Variants in CSMD1 observed in about 807,000 individuals in gnomAD.
CSMD1 encodes the protein CUB and sushi domain-containing protein 1.
A neutral mutation model predicts 417.5 loss-of-function variants in CSMD1; 213 were observed. The ratio of observed to expected loss-of-function variants is 0.51; its 90% CI spans 0.46 to 0.57. CSMD1 has a LOEUF of 0.57. Among genes scored for constraint, CSMD1 ranks in the 20% least tolerant of loss-of-function variants. CSMD1 has a pLI of 0.00. For synonymous variants in CSMD1, 2,862 were observed against 1,736.8 expected (o/e 1.65, Z -16.11); for missense variants, 6,923 against 4,529.7 (o/e 1.53, Z -15.17).
chr8:4,965,579 T>C (rs1809807048), intron 1 of CSMD1, among the ~76,000 whole-genome samples: 1 of 152,344 alleles, frequency 6.6e-6, no homozygotes, highest in Admixed American at 6.5e-5. Flanking sequence ...TGTTTACTTC[T>C]TTATAAATGA....
chr8:3,394,767 A>C (rs1018912819), intron 17 of CSMD1, among the ~76,000 whole-genome samples: 2 of 152,186 alleles, frequency 1.3e-5, no homozygotes, highest in Non-Finnish European at 2.9e-5. Flanking sequence ...AAAGAAACAA[A>C]ATGTAAAATT....
chr8:4,792,292 G>C (rs1012078212), intron 1 of CSMD1, among the ~76,000 whole-genome samples: 2 of 152,118 alleles, frequency 1.3e-5, no homozygotes, highest in African/African-American at 2.4e-5. Flanking sequence ...CCCTATAAAG[G>C]TGCATGGTCC....
At chr8:4,095,194 C>G (rs866834084) in intron 3 of CSMD1, among the ~76,000 whole-genome samples, 1 of 152,186 alleles carries the variant, frequency 6.6e-6, no homozygotes, top group African/African-American at 2.4e-5. Flanking sequence ...CGAACACAAA[C>G]TGGTTTGGTT....
intron 5 of CSMD1, among the ~76,000 whole-genome samples, chr8:3,818,568 C>G (rs560460306): frequency 2.0e-5 from 3 of 151,966 alleles, no homozygotes; most frequent in African/African-American, 7.3e-5. Flanking sequence ...AGCATGAAGA[C>G]GTGAAGGAGG....
At chr8:4,779,288 T>C (rs911848766) in intron 1 of CSMD1, among the ~76,000 whole-genome samples, 2 of 152,168 alleles carry the variant, frequency 1.3e-5, no homozygotes, top group African/African-American at 4.8e-5. Flanking sequence ...ATAGGGGTTT[T>C]ACCAAAATTT....
At chr8:3,304,258 T>G (rs1804640765) in intron 25 of CSMD1, among the ~76,000 whole-genome samples, 1 of 152,162 alleles carries the variant, frequency 6.6e-6, no homozygotes, top group Non-Finnish European at 1.5e-5. Context: ...TATTTCTCAT[T>G]TTCAAGTTAA....
intron 52 of CSMD1, among the ~76,000 whole-genome samples, chr8:3,016,864 C>A (rs1808878471): frequency 6.6e-6 from 1 of 152,160 alleles, no homozygotes; most frequent in Non-Finnish European, 1.5e-5. Flanking sequence ...CATCTCCAGG[C>A]AGCCAACTAT....
At chr8:4,468,217 G>A (rs1029692314) in intron 2 of CSMD1, among the ~76,000 whole-genome samples, 1 of 152,166 alleles carries the variant, frequency 6.6e-6, no homozygotes, top group Non-Finnish European at 1.5e-5. Flanking sequence ...AGTGCCTGGG[G>A]CATGCCTGGG....
chr8:3,125,984 G>C (rs1013820117), intron 41 of CSMD1, among the ~76,000 whole-genome samples: 2 of 152,058 alleles, frequency 1.3e-5, no homozygotes, highest in African/African-American at 4.8e-5. Context: ...CTCAAAAAAA[G>C]AAAAAAGTTG....
intron 5 of CSMD1, among the ~76,000 whole-genome samples, chr8:3,845,760 A>C (rs570719624): frequency 6.6e-6 from 1 of 152,174 alleles, no homozygotes; most frequent in Non-Finnish European, 1.5e-5. Flanking sequence ...ATAGCTCAGA[A>C]CATACTTTGT....
At chr8:4,000,752 T>C (rs973609825) in intron 4 of CSMD1, among the ~76,000 whole-genome samples, 13 of 151,980 alleles carry the variant, frequency 8.6e-5, no homozygotes, top group Non-Finnish European at 2.9e-5. Context: ...TAATTTTATT[T>C]AATATTTAGA....
At chr8:4,877,261 T>C (rs990402951) in intron 1 of CSMD1, among the ~76,000 whole-genome samples, 2 of 152,056 alleles carry the variant, frequency 1.3e-5, no homozygotes, top group Admixed American at 6.6e-5. Flanking sequence ...AAGATCCCAA[T>C]TTGTAGCCAG....
chr8:3,106,354 C>G (rs1180894672), intron 46 of CSMD1, among the ~76,000 whole-genome samples, 174 bp downstream of exon 46: 1 of 152,050 alleles, frequency 6.6e-6, no homozygotes, highest in Non-Finnish European at 1.5e-5. Context: ...GCCATGATTG[C>G]ACCACTGTAC....
chr8:4,236,962 G>C (rs887449737), intron 3 of CSMD1, among the ~76,000 whole-genome samples: 5 of 152,188 alleles, frequency 3.3e-5, no homozygotes, highest in African/African-American at 1.2e-4. Flanking sequence ...TCAGGAAGCA[G>C]TTACACTGAG....
intron 3 of CSMD1, among the ~76,000 whole-genome samples, chr8:4,200,241 C>A (rs1482413244): frequency 6.6e-6 from 1 of 152,090 alleles, no homozygotes. Context: ...AAAACAATTC[C>A]TCTATTCAAT....
intron 3 of CSMD1, among the ~76,000 whole-genome samples, chr8:4,343,745 GA>G (rs1800619964): frequency 6.6e-6 from 1 of 151,954 alleles, no homozygotes; most frequent in South Asian, 2.1e-4. Context: ...ATATCATCTT[GA>G]TGTGTGCACT....
intron 3 of CSMD1, among the ~76,000 whole-genome samples, chr8:4,325,887 A>C (rs1455433361): frequency 6.6e-6 from 1 of 152,190 alleles, no homozygotes; most frequent in Non-Finnish European, 1.5e-5. Flanking sequence ...CTGTATATGC[A>C]CATGGTCAGA....
intron 3 of CSMD1, among the ~76,000 whole-genome samples, chr8:4,291,737 G>C (rs573068079): frequency 1.3e-5 from 2 of 152,298 alleles, no homozygotes; most frequent in Non-Finnish European, 1.5e-5. Context: ...TATATGCGGA[G>C]ACAAAAGTTA....
At chr8:4,444,204 T>C (rs764248030) in intron 2 of CSMD1, among the ~76,000 whole-genome samples, 4 of 151,644 alleles carry the variant, frequency 2.6e-5, no homozygotes, top group Non-Finnish European at 2.9e-5. Context: ...TAGCCAGGCA[T>C]GGTGGCACAG....
Sources: allele counts gnomAD v4.1 joint callset (sites outside exome capture counted in the v4.1 genomes callset), GRCh38; gene constraint gnomAD v4.1.1; transcripts MANE v1.5; gene names NCBI Gene and HGNC (gene_info 2026-07-23, HGNC 2026-07-21).